PRKCE: variants seen among roughly 807,000 people sequenced by gnomAD.
PRKCE encodes protein kinase C epsilon.
Under a neutral mutation model 85.4 loss-of-function variants are expected in PRKCE, and 16 were observed. The ratio of observed to expected loss-of-function variants is 0.19; its 90% CI spans 0.13 to 0.28. PRKCE has a LOEUF of 0.28. Among genes scored for constraint, PRKCE ranks in the 10% least tolerant of loss-of-function variants. The pLI is 1.00. For synonymous variants in PRKCE, 388 were observed against 371.5 expected (o/e 1.04, Z -0.51); for missense variants, 573 against 975.2 (o/e 0.59, Z 5.49).
chr2:45,926,499 C>G (rs992090590), intron 2 of PRKCE, among the ~76,000 whole-genome samples: 30 of 152,048 alleles, frequency 2.0e-4, no homozygotes, highest in African/African-American at 5.8e-4. Flanking sequence ...GGGATGTTGC[C>G]CTTAACGTAG....
intron 12 of PRKCE, among the ~76,000 whole-genome samples, chr2:46,147,785 T>C (rs1676227499): frequency 6.6e-6 from 1 of 152,232 alleles, no homozygotes; most frequent in Non-Finnish European, 1.5e-5. Context: ...TGTTGGGTTG[T>C]GTGATGGGAT....
intron 2 of PRKCE, among the ~76,000 whole-genome samples, chr2:45,963,191 C>A (rs1220503917): frequency 6.6e-6 from 1 of 152,108 alleles, no homozygotes; most frequent in African/African-American, 2.4e-5. Context: ...AACCAAAAAA[C>A]CAGGGAGAGT....
chr2:45,882,393 C>G (rs1220128874), intron 2 of PRKCE, among the ~76,000 whole-genome samples: 1 of 152,158 alleles, frequency 6.6e-6, no homozygotes, highest in Non-Finnish European at 1.5e-5. Context: ...AATGCAACAT[C>G]CTTGCTCTGA....
At chr2:46,097,638 C>A (rs764413970) in intron 11 of PRKCE, among the ~76,000 whole-genome samples, 1 of 152,138 alleles carries the variant, frequency 6.6e-6, no homozygotes, top group Non-Finnish European at 1.5e-5. Flanking sequence ...CCCTATGTGA[C>A]CTGCTTCAGC....
intron 2 of PRKCE, among the ~76,000 whole-genome samples, chr2:45,936,158 G>A (rs556194464): frequency 6.6e-6 from 1 of 152,168 alleles, no homozygotes; most frequent in Non-Finnish European, 1.5e-5. Context: ...GGATGCTATG[G>A]CGACCCACTG....
rs555776869 is a variant in PRKCE at position 46,049,299 on chromosome 2, A to G, written c.1438-36909A>G. Among the ~76,000 whole-genome samples the G allele has an allele frequency of 1.2e-3, 182 of 152,256 alleles. 2 individuals are homozygous for G. The highest frequency in any genetic ancestry group is 9.1e-4 in the Non-Finnish European group (62 of 68,026). On this transcript the variant is annotated intron_variant, in intron 10 of 14. Coordinates refer to ENST00000306156, the MANE Select transcript of PRKCE (RefSeq NM_005400.3). ...CCGAGTGGGCTTACAGCCTGATAGA[A>G]GCCCCCACCTCACTGGATTAGTGCT...
At chr2:45,963,413 A>G (rs1701511211) in intron 2 of PRKCE, among the ~76,000 whole-genome samples, 1 of 151,518 alleles carries the variant, frequency 6.6e-6, no homozygotes, top group South Asian at 2.1e-4. Context: ...GGTTCAAGCA[A>G]CTCTCCTGCC....
At chr2:46,105,256 T>C (rs1671605247) in intron 11 of PRKCE, among the ~76,000 whole-genome samples, 1 of 152,160 alleles carries the variant, frequency 6.6e-6, no homozygotes, top group African/African-American at 2.4e-5. Flanking sequence ...TTCACCTTCC[T>C]TTTGCTTTAT....
At chr2:45,960,976 A>G (rs1294368294) in intron 2 of PRKCE, among the ~76,000 whole-genome samples, 1 of 152,184 alleles carries the variant, frequency 6.6e-6, no homozygotes, top group African/African-American at 2.4e-5. Context: ...AAAGCCTGGC[A>G]CTAAGGAGTA....
At chr2:46,126,591 A>T (rs1373862658) in intron 11 of PRKCE, among the ~76,000 whole-genome samples, 1 of 152,214 alleles carries the variant, frequency 6.6e-6, no homozygotes, top group Non-Finnish European at 1.5e-5. Flanking sequence ...TTTATTTGAT[A>T]TTTACTCATA....
rs535474037 is a variant in PRKCE, at chr2:46,141,244, C to T, written c.1593-3849C>T. ...ATATACTAGAAGCACCCTAAATGTC[C>T]CCCAATAAATACAGTGGATTATTAT... is the stretch of plus-strand genomic sequence containing the variant. On this transcript the variant is annotated intron_variant, in intron 11 of 14. Transcript: ENST00000306156. 2.6e-5 allele frequency among the ~76,000 whole-genome samples: 4 copies of T among 152,216 alleles called. No individual in the cohort carries two copies. The East Asian group carries it at 5.8e-4, about 22-fold the overall frequency.
rs77918644 is a variant in PRKCE, at chr2:46,020,288, C to G, written c.1437+9771C>G. On this transcript the variant is annotated intron_variant, in intron 10 of 14. Coordinates refer to ENST00000306156, the MANE Select transcript of PRKCE (RefSeq NM_005400.3). ...GCACCACCTACTCCACCTGGCTGTG[C>G]AGCTCCATGTCCGACTGTTTCACAT... Among the ~76,000 whole-genome samples, 348 of 152,260 alleles carry G rather than the reference C, an allele frequency of 2.3e-3. 3 individuals carry two copies. The East Asian group carries it at 0.037, about 16-fold the overall frequency.
intron 2 of PRKCE, among the ~76,000 whole-genome samples, chr2:45,940,919 A>G (rs563626320): frequency 3.3e-5 from 5 of 150,358 alleles, no homozygotes; most frequent in Admixed American, 6.7e-5. Context: ...AAAAAAAATT[A>G]GCCAGGCATG....
intron 2 of PRKCE, among the ~76,000 whole-genome samples, chr2:45,952,776 T>A (rs902500907): frequency 6.6e-6 from 1 of 152,362 alleles, no homozygotes; most frequent in Non-Finnish European, 1.5e-5. Context: ...CACAACTTTT[T>A]ATAGAAAAAG....
chr2:46,035,022 G>A (rs150072274), intron 10 of PRKCE, among the ~76,000 whole-genome samples: 5 of 152,296 alleles, frequency 3.3e-5, no homozygotes, highest in South Asian at 2.1e-4. Context: ...GTCCCTTCTC[G>A]AAAGCAGCCT....
Position 46,120,145 on chromosome 2 carries a change from C to A in PRKCE, c.1593-24948C>A, listed in dbSNP as rs1369502451. On this transcript the variant is annotated intron_variant, in intron 11 of 14. Transcript: ENST00000306156. ...ATTTGGTTTTTAAGCAGTAGCATTGCTAAGAGGAAACGCACTGACCTCATG... is the reference window on the plus strand; with the variant it reads ...ATTTGGTTTTTAAGCAGTAGCATTGATAAGAGGAAACGCACTGACCTCATG... Among the ~76,000 whole-genome samples, 3 of 152,204 alleles carry A rather than the reference C, an allele frequency of 2.0e-5. No individual in the cohort carries two copies. The South Asian group carries it at 6.2e-4, about 31-fold the overall frequency.
At chr2:46,118,002 A>T (rs1672944433) in intron 11 of PRKCE, among the ~76,000 whole-genome samples, 2 of 152,214 alleles carry the variant, frequency 1.3e-5, no homozygotes, top group Admixed American at 6.5e-5. Flanking sequence ...CACCTCTAAG[A>T]TCTACCCTAG....
chr2:45,974,649 C>T (rs113192957), intron 2 of PRKCE, among the ~76,000 whole-genome samples: 112 of 152,312 alleles, frequency 7.4e-4, no homozygotes, highest in African/African-American at 2.6e-3. Flanking sequence ...ACCCTACCCT[C>T]CAATAACAAG....
intron 10 of PRKCE, among the ~76,000 whole-genome samples, chr2:46,076,847 A>G (rs1668600118): frequency 6.6e-6 from 1 of 152,230 alleles, no homozygotes; most frequent in African/African-American, 2.4e-5. Context: ...AACAATGTGA[A>G]TGAAACAGGA....
Sources: allele counts gnomAD v4.1 joint callset (sites outside exome capture counted in the v4.1 genomes callset), GRCh38; gene constraint gnomAD v4.1.1; transcripts MANE v1.5; gene names NCBI Gene and HGNC (gene_info 2026-07-23, HGNC 2026-07-21).